STYXL2: variants seen among roughly 807,000 people sequenced by gnomAD.
STYXL2 encodes the protein serine/threonine/tyrosine-interacting-like protein 2.
Under a neutral mutation model 52.4 loss-of-function variants are expected in STYXL2, and 44 were observed. The ratio of observed to expected loss-of-function variants is 0.84; its 90% CI spans 0.66 to 1.08. STYXL2 has a LOEUF of 1.08. STYXL2 is among the 50% of genes least tolerant of loss of function. The probability of loss-of-function intolerance (pLI) is 0.00; values close to 1 mark genes in which losing one functional copy is unlikely to be tolerated. For synonymous variants in STYXL2, 604 were observed against 586.9 expected (o/e 1.03, Z -0.42); for missense variants, 1,604 against 1,471.7 (o/e 1.09, Z -1.47).
chr1:167,094,956 G>T lies in STYXL2; in HGVS notation c.107G>T (p.Ser36Ile), dbSNP rs1260140313. The change falls in exon 2 of 6, where the codon AGC (serine) becomes ATC (isoleucine). Residue 36 changes from serine (S) to isoleucine (I), a missense_variant. Physicochemically the swap from Ser to Ile is moderately radical, Grantham distance 142. Transcript: ENST00000361200. ...CACTACCTCCGAAGCCCCTCCCCTA[G>T]CCAGTAAGTGACCACTTATCTCCCA... ...QAHYLRSPSP[S>I]QYSMVSDAET... 1.3e-6 allele frequency: 2 copies of T among 1,599,184 alleles called. No homozygotes were observed. Among genetic ancestry groups the T allele is most frequent in the Non-Finnish European group, 1.7e-6 (2 of 1,172,630 alleles).
chr1:167,095,043 G>A (rs1297211423), intron 2 of STYXL2, 84 bp downstream of exon 2: 4 of 964,532 alleles, frequency 4.1e-6, no homozygotes, highest in Non-Finnish European at 6.3e-6. Flanking sequence ...CAGGGAGCCT[G>A]CAGCCATCAC....
chr1:167,123,360 C>T (rs145647093), intron 5 of STYXL2, among the ~76,000 whole-genome samples: 18 of 152,304 alleles, frequency 1.2e-4, no homozygotes, highest in Non-Finnish European at 2.2e-4. Flanking sequence ...ACCTGGTCTC[C>T]GCCAGACTGA....
At chr1:167,095,501 C>A (rs556696514) in intron 2 of STYXL2, among the ~76,000 whole-genome samples, 1 of 152,262 alleles carries the variant, frequency 6.6e-6, no homozygotes, top group African/African-American at 2.4e-5. Context: ...CATGAGGCAT[C>A]TTCCTGGAGA....
chr1:167,124,926 C>A (rs576168874), intron 5 of STYXL2, among the ~76,000 whole-genome samples: 3 of 146,240 alleles, frequency 2.1e-5, no homozygotes, highest in Non-Finnish European at 4.5e-5. Context: ...ATATCTTGCT[C>A]CATCCTGAGT....
intron 2 of STYXL2, among the ~76,000 whole-genome samples, chr1:167,101,270 G>A (rs11590233): frequency 0.32 from 48,117 of 151,994 alleles, 7,945 homozygotes; most frequent in African/African-American, 0.4. Flanking sequence ...CAAAACCACA[G>A]TGAGTTACCG....
chr1:167,127,515 T>A lies in STYXL2; in HGVS notation c.2384T>A (p.Met795Lys), dbSNP rs145656152. 7.4e-6 allele frequency: 12 copies of A among 1,613,966 alleles called. No individual in the cohort carries two copies. Among genetic ancestry groups the A allele is most frequent in the Non-Finnish European group, 1.0e-5 (12 of 1,180,010 alleles). The change falls in exon 6 of 6, where the codon ATG (methionine) becomes AAG (lysine). Residue 795 changes from methionine to lysine, a missense_variant. Physicochemically the swap from Met to Lys is moderately conservative, Grantham distance 95 (BLOSUM62 -1). Coordinates refer to ENST00000361200, the MANE Select transcript of STYXL2 (RefSeq NM_001080426.3). ...AGCCAGGCAAGACCCAGCTCTGACA[T>A]GCAGTCTGTGCTGTCCTGCAACACC... The part of the protein sequence containing the change: ...PQSQARPSSD[M>K]QSVLSCNTTL...
At chr1:167,104,964 T>C (rs1288890032) in intron 2 of STYXL2, among the ~76,000 whole-genome samples, 1 of 152,264 alleles carries the variant, frequency 6.6e-6, no homozygotes, top group African/African-American at 2.4e-5. Context: ...TTGCTGACTA[T>C]AATCTGCACT....
At chr1:167,112,501 A>T (rs1270072962) in intron 2 of STYXL2, among the ~76,000 whole-genome samples, 1 of 152,180 alleles carries the variant, frequency 6.6e-6, no homozygotes, top group African/African-American at 2.4e-5. Context: ...AATTCATCTG[A>T]TGCATGCATC....
Position 167,119,386 on chromosome 1 carries a change from A to T in STYXL2, c.575A>T (p.Asp192Val), listed in dbSNP as rs753175539. ...ATCCAGTACCTGGGTGTAGAGGTGG[A>T]TGACTTTCCTGAGGTGGACATTTCC... The part of the protein sequence containing the change: ...LEIQYLGVEV[D>V]DFPEVDISQH... Residue 192 changes from aspartate (D) to valine (V), a missense_variant, in exon 5 of 6, where the codon GAT becomes GTT. Asp to Val is a radical substitution (Grantham distance 152). Transcript: ENST00000361200. 1 of 1,614,158 alleles carries T rather than the reference A, an allele frequency of 6.2e-7. No individual in the cohort carries two copies. Among genetic ancestry groups the T allele is most frequent in the South Asian group, 1.1e-5 (1 of 91,074 alleles).
intron 5 of STYXL2, among the ~76,000 whole-genome samples, chr1:167,125,025 G>A (rs1667933826): frequency 6.6e-6 from 1 of 151,270 alleles, no homozygotes; most frequent in Non-Finnish European, 1.5e-5. Flanking sequence ...GGGAACATGA[G>A]AAGATGTTCA....
At position 167,125,836 on chromosome 1, in the gene STYXL2, GGTGGTCGCCT is replaced by G; in HGVS notation, c.706_715del (p.Val236ThrfsTer2). ...TGGGCATCAGCCGGTCAGCAGTGCT[GGTGGTCGCCT>G]ACCTGATGATCTTCCACAACATGGC... On this transcript the variant is annotated frameshift_variant, in exon 6 of 6. Transcript: ENST00000361200. LOFTEE classifies it low-confidence loss of function (END_TRUNC). 6.2e-7 allele frequency: 1 copy of G among 1,613,266 alleles called. No homozygotes were observed. Among genetic ancestry groups the G allele is most frequent in the Non-Finnish European group, 8.5e-7 (1 of 1,179,656 alleles).
rs1008191419 is a variant in STYXL2, at chr1:167,100,251, C to T, written c.110+5292C>T. Reference sequence around the variant, plus strand: ...CAAGAACTCATTCCCATGAGAAAAGCATTCCTCTCTCTTAACAACCTAATC... The same window carrying T: ...CAAGAACTCATTCCCATGAGAAAAGTATTCCTCTCTCTTAACAACCTAATC... On this transcript the variant is annotated intron_variant, in intron 2 of 5. Transcript: ENST00000361200. 1.4e-4 allele frequency among the ~76,000 whole-genome samples: 21 copies of T among 152,364 alleles called. No individual in the cohort carries two copies. The Middle Eastern group carries it at 0.01, about 74-fold the overall frequency.
chr1:167,094,986 C>T (rs1454787056), intron 2 of STYXL2, 27 bp downstream of exon 2: 4 of 1,550,978 alleles, frequency 2.6e-6, no homozygotes, highest in Non-Finnish European at 3.5e-6. Flanking sequence ...CTCCCACCCT[C>T]ACAGCCCCAG....
intron 2 of STYXL2, among the ~76,000 whole-genome samples, chr1:167,100,953 C>G (rs1014264872): frequency 5.3e-5 from 8 of 152,166 alleles, no homozygotes; most frequent in African/African-American, 1.9e-4. Flanking sequence ...ATCATCCAAT[C>G]GATCCCACTT....
intron 2 of STYXL2, among the ~76,000 whole-genome samples, chr1:167,106,745 T>C (rs1667512650): frequency 1.3e-5 from 2 of 152,222 alleles, no homozygotes; most frequent in Admixed American, 1.3e-4. Context: ...AGGTCTGTTA[T>C]AGAGGCAAGG....
At chr1:167,099,608 C>T (rs1203594256) in intron 2 of STYXL2, among the ~76,000 whole-genome samples, 1 of 152,118 alleles carries the variant, frequency 6.6e-6, no homozygotes, top group Non-Finnish European at 1.5e-5. Context: ...ATATCTCAAA[C>T]TAAATACCAA....
chr1:167,113,219 G>A (rs1191080806), intron 2 of STYXL2, among the ~76,000 whole-genome samples: 2 of 152,082 alleles, frequency 1.3e-5, no homozygotes, highest in African/African-American at 2.4e-5. Flanking sequence ...TTCATCATTA[G>A]CCCATTCCCT....
rs867643169 is a variant in STYXL2, at chr1:167,126,974, G to A, written c.1843G>A (p.Glu615Lys). Residue 615 changes from glutamate to lysine, a missense_variant, in exon 6 of 6, where the codon GAG becomes AAG. Glu to Lys is a moderately conservative substitution (Grantham distance 56). Transcript: ENST00000361200. ...KEEVVELSKG[E>K]DSALAKKRQR... Reference sequence around the variant, plus strand: ...GGAGGTGGTGGAGCTCAGCAAGGGGGAGGACTCGGCCTTGGCTAAGAAGAG... The same window carrying A: ...GGAGGTGGTGGAGCTCAGCAAGGGGAAGGACTCGGCCTTGGCTAAGAAGAG... The A allele has an allele frequency of 6.2e-7, 1 of 1,610,138 alleles. No homozygotes were observed. Among genetic ancestry groups the A allele is most frequent in the Non-Finnish European group, 8.5e-7 (1 of 1,178,036 alleles).
rs117010818 is a variant in STYXL2, at chr1:167,099,708, T to C, written c.110+4749T>C. 2.0e-4 allele frequency among the ~76,000 whole-genome samples: 31 copies of C among 152,338 alleles called. No homozygotes were observed. In the East Asian group the frequency reaches 6.0e-3, roughly 29 times the overall value. On this transcript the variant is annotated intron_variant, in intron 2 of 5. Coordinates refer to ENST00000361200, the MANE Select transcript of STYXL2 (RefSeq NM_001080426.3). ...AAATTAGTACAACCATTTGGAACTA[T>C]TTTGCAGTATCTACTAAAGCTAAAC... is the stretch of plus-strand genomic sequence containing the variant.
Sources: gnomAD v4.1 joint callset for allele counts (sites outside exome capture counted in the v4.1 genomes callset) on GRCh38, gnomAD v4.1.1 for gene constraint, MANE v1.5 for transcripts, NCBI Gene and HGNC (gene_info 2026-07-23, HGNC 2026-07-21) for gene names.